CSMD1: variants seen among roughly 807,000 people sequenced by gnomAD.
CSMD1 encodes CUB and Sushi multiple domains 1, also known as CUB and sushi domain-containing protein 1.
A neutral mutation model predicts 417.5 loss-of-function variants in CSMD1; 213 were observed. That is an observed-to-expected ratio of 0.51 (90% CI 0.46 to 0.57). The LOEUF (loss-of-function observed/expected upper bound fraction) is 0.57. Ranked by LOEUF, CSMD1 falls within the 20% of genes least tolerant of loss-of-function variation. The probability of loss-of-function intolerance (pLI) is 0.00; values close to 1 mark genes in which losing one functional copy is unlikely to be tolerated. For missense variants in CSMD1, 6,923 were observed against 4,529.7 expected (o/e 1.53, Z -15.17); for synonymous variants, 2,862 against 1,736.8 (o/e 1.65, Z -16.11).
chr8:3,976,341 C>G (rs964652504), intron 5 of CSMD1, among the ~76,000 whole-genome samples: 8 of 152,108 alleles, frequency 5.3e-5, no homozygotes, highest in Admixed American at 1.3e-4. Flanking sequence ...ATTACTAAAA[C>G]TGAAAGGTAA....
intron 10 of CSMD1, among the ~76,000 whole-genome samples, chr8:3,498,127 T>A (rs746929692): frequency 6.6e-6 from 1 of 152,240 alleles, no homozygotes; most frequent in Non-Finnish European, 1.5e-5. Flanking sequence ...TATATCACCC[T>A]GTTCTCCCCT....
intron 5 of CSMD1, among the ~76,000 whole-genome samples, chr8:3,825,524 T>C (rs1035525480): frequency 6.6e-6 from 1 of 151,916 alleles, no homozygotes. Flanking sequence ...AACTCTGCAA[T>C]GGGATGCAGG....
intron 10 of CSMD1, among the ~76,000 whole-genome samples, chr8:3,564,620 G>T (rs1487866235): frequency 6.9e-6 from 1 of 144,778 alleles, no homozygotes; most frequent in Non-Finnish European, 1.5e-5. Flanking sequence ...GCTCCAAGAG[G>T]AGGCAGTAAA....
At chr8:3,849,526 A>G (rs550509855) in intron 5 of CSMD1, among the ~76,000 whole-genome samples, 2 of 152,300 alleles carry the variant, frequency 1.3e-5, no homozygotes, top group East Asian at 3.9e-4. Flanking sequence ...CGACGGTTAG[A>G]ATGACGACTT....
intron 3 of CSMD1, among the ~76,000 whole-genome samples, chr8:4,124,566 C>T (rs2130954624): frequency 6.6e-6 from 1 of 152,242 alleles, no homozygotes; most frequent in Non-Finnish European, 1.5e-5. Context: ...CCACCTGCGC[C>T]CGGTAGTGGG....
chr8:3,269,219 G>C (rs1051448205), intron 26 of CSMD1, among the ~76,000 whole-genome samples: 2 of 152,198 alleles, frequency 1.3e-5, no homozygotes, highest in African/African-American at 2.4e-5. Context: ...AGCTGTCTTT[G>C]GGCCTATGCT....
At chr8:4,284,884 T>C (rs529134409) in intron 3 of CSMD1, among the ~76,000 whole-genome samples, 36 of 152,284 alleles carry the variant, frequency 2.4e-4, no homozygotes, top group South Asian at 1.7e-3. Context: ...AAAAAACACT[T>C]TTCTGTCTCC....
At chr8:4,129,060 G>C (rs1319510021) in intron 3 of CSMD1, among the ~76,000 whole-genome samples, 13 of 123,380 alleles carry the variant, frequency 1.1e-4, no homozygotes, top group African/African-American at 3.7e-4. Context: ...TGGTTACAGA[G>C]TGAGAGTCCA....
chr8:3,893,416 A>C (rs1490004197), intron 5 of CSMD1, among the ~76,000 whole-genome samples: 2 of 146,608 alleles, frequency 1.4e-5, no homozygotes, highest in African/African-American at 2.5e-5. Flanking sequence ...GCTTAACAAA[A>C]TCTGGATCAA....
At chr8:4,837,082 G>T (rs1360419853) in intron 1 of CSMD1, among the ~76,000 whole-genome samples, 1 of 151,680 alleles carries the variant, frequency 6.6e-6, no homozygotes, top group East Asian at 1.9e-4. Context: ...AGAAAGAAGT[G>T]GTAATTAATG....
At chr8:4,499,816 T>A (rs898484854) in intron 2 of CSMD1, among the ~76,000 whole-genome samples, 2 of 152,216 alleles carry the variant, frequency 1.3e-5, no homozygotes, top group Non-Finnish European at 2.9e-5. Flanking sequence ...AGAGCTATAC[T>A]GAGATCTTTA....
chr8:3,572,201 G>A (rs564301111), intron 10 of CSMD1, among the ~76,000 whole-genome samples: 1 of 152,284 alleles, frequency 6.6e-6, no homozygotes, highest in African/African-American at 2.4e-5. Context: ...CAGGAAGGGC[G>A]GTGGGAGCCC....
At chr8:3,687,426 C>G (rs775186223) in intron 7 of CSMD1, among the ~76,000 whole-genome samples, 29 of 152,204 alleles carry the variant, frequency 1.9e-4, no homozygotes, top group South Asian at 2.1e-4. Flanking sequence ...GAAAACTTGC[C>G]TCTCAAATAA....
chr8:4,425,714 T>A (rs1219602012), intron 2 of CSMD1, among the ~76,000 whole-genome samples: 1 of 152,110 alleles, frequency 6.6e-6, no homozygotes, highest in Non-Finnish European at 1.5e-5. Context: ...CATAGTAAAT[T>A]ACGAAACATT....
chr8:3,230,755 C>T (rs756583426), intron 26 of CSMD1, among the ~76,000 whole-genome samples: 3 of 152,116 alleles, frequency 2.0e-5, no homozygotes, highest in Non-Finnish European at 2.9e-5. Flanking sequence ...GGTGACATTG[C>T]CACGGCAAAA....
At chr8:4,107,080 C>G (rs1801606807) in intron 3 of CSMD1, among the ~76,000 whole-genome samples, 1 of 152,126 alleles carries the variant, frequency 6.6e-6, no homozygotes, top group Admixed American at 6.5e-5. Flanking sequence ...TCAACGACAA[C>G]ATGAACAAGG....
Position 3,623,455 on chromosome 8 carries a change from A to C in CSMD1, c.1010-6658T>G, listed in dbSNP as rs1019857332. Among the ~76,000 whole-genome samples the C allele has an allele frequency of 3.9e-5, 6 of 152,374 alleles. No individual in the cohort carries two copies. In the South Asian group the frequency reaches 8.3e-4, roughly 21 times the overall value. The stretch of plus-strand genomic sequence containing the variant: ...ACGACATCTATGACAGAGATTAGAA[A>C]CAAATCAATTAGTGGAGATAAGATC... On this transcript the variant is annotated intron_variant, in intron 7 of 69. Transcript: ENST00000635120.
At chr8:4,670,830 T>C (rs1036294313) in intron 1 of CSMD1, among the ~76,000 whole-genome samples, 1 of 152,208 alleles carries the variant, frequency 6.6e-6, no homozygotes, top group Non-Finnish European at 1.5e-5. Flanking sequence ...ACTCTTTTCT[T>C]AGAAGAGCAA....
chr8:3,221,087 G>A (rs183024183), intron 28 of CSMD1, among the ~76,000 whole-genome samples: 155 of 152,176 alleles, frequency 1.0e-3, no homozygotes, highest in African/African-American at 3.6e-3. Context: ...CACTTGATCT[G>A]GAGATTCGGA....
Sources: gnomAD v4.1 joint callset for allele counts (sites outside exome capture counted in the v4.1 genomes callset) on GRCh38, gnomAD v4.1.1 for gene constraint, MANE v1.5 for transcripts, NCBI Gene and HGNC (gene_info 2026-07-23, HGNC 2026-07-21) for gene names.